The following ADGRL3 variants were observed in gnomAD, a reference collection of about 807,000 sequenced individuals.
ADGRL3 encodes calcium-independent alpha-latrotoxin receptor 3.
A neutral mutation model predicts 153.5 loss-of-function variants in ADGRL3; 62 were observed. The ratio of observed to expected loss-of-function variants is 0.40; its 90% CI spans 0.33 to 0.50. ADGRL3 has a LOEUF of 0.50. ADGRL3 is among the 20% of genes least tolerant of loss of function. The pLI is 0.47. For missense variants in ADGRL3, 1,641 were observed against 1,859.4 expected, an observed-to-expected ratio of 0.88 and a Z score of 2.16; for synonymous variants, 710 against 672.5, an observed-to-expected ratio of 1.06 and a Z score of -0.86.
At chr4:62,008,078 G>A (rs143960630) in intron 21 of ADGRL3, among the ~76,000 whole-genome samples, 3 of 152,258 alleles carry the variant, frequency 2.0e-5, no homozygotes, top group Admixed American at 1.3e-4. Flanking sequence ...GTTTGGCAGA[G>A]CCATTGATGA....
At chr4:61,301,829 T>C (rs1251081456) in intron 1 of ADGRL3, among the ~76,000 whole-genome samples, 1 of 152,124 alleles carries the variant, frequency 6.6e-6, no homozygotes, top group Non-Finnish European at 1.5e-5. Flanking sequence ...AAAATTGTAA[T>C]CAATGAATAG....
intron 8 of ADGRL3, among the ~76,000 whole-genome samples, chr4:61,807,682 T>C (rs2097567246): frequency 6.6e-6 from 1 of 152,166 alleles, no homozygotes; most frequent in South Asian, 2.1e-4. Context: ...ATTTTCAAAA[T>C]GTATTTTCTT....
At chr4:61,993,287 T>A (rs189448792) in intron 19 of ADGRL3, among the ~76,000 whole-genome samples, 3,043 of 139,122 alleles carry the variant, frequency 0.022, 40 homozygotes, top group Non-Finnish European at 0.035. Flanking sequence ...TTTTCTTTCT[T>A]TCCTTTTTTT....
chr4:61,401,370 C>T (rs948107202), intron 2 of ADGRL3, among the ~76,000 whole-genome samples: 3 of 151,700 alleles, frequency 2.0e-5, no homozygotes, highest in African/African-American at 7.3e-5. Flanking sequence ...ACATTTAGCC[C>T]AGAGATAATA....
chr4:61,557,415 C>T (rs909676381), intron 4 of ADGRL3, among the ~76,000 whole-genome samples: 2 of 152,056 alleles, frequency 1.3e-5, no homozygotes, highest in Non-Finnish European at 2.9e-5. Flanking sequence ...ATTCACAGAC[C>T]TCAGGCACCA....
At chr4:61,954,029 C>T (rs922360671) in intron 17 of ADGRL3, among the ~76,000 whole-genome samples, 4 of 152,124 alleles carry the variant, frequency 2.6e-5, no homozygotes, top group Non-Finnish European at 5.9e-5. Flanking sequence ...GTCATGCAGT[C>T]ATATGGATGT....
intron 25 of ADGRL3, among the ~76,000 whole-genome samples, chr4:62,062,712 G>T (rs901257143): frequency 6.6e-6 from 1 of 152,092 alleles, no homozygotes; most frequent in Non-Finnish European, 1.5e-5. Context: ...AAGGGTGAAA[G>T]AATTTAACAT....
intron 9 of ADGRL3, among the ~76,000 whole-genome samples, chr4:61,819,135 A>G (rs1412684105): frequency 6.6e-6 from 1 of 152,186 alleles, no homozygotes; most frequent in Non-Finnish European, 1.5e-5. Flanking sequence ...TTCAAATTAT[A>G]CATGCAAAAT....
chr4:61,637,031 T>C (rs1240682510), intron 5 of ADGRL3, among the ~76,000 whole-genome samples: 1 of 152,158 alleles, frequency 6.6e-6, no homozygotes, highest in African/African-American at 2.4e-5. Context: ...CTGTGATATA[T>C]ATTAAAGGTA....
At chr4:61,636,667 C>A (rs573325482) in intron 5 of ADGRL3, among the ~76,000 whole-genome samples, 111 of 151,830 alleles carry the variant, frequency 7.3e-4, no homozygotes, top group African/African-American at 2.6e-3. Context: ...AGTTGAAGAA[C>A]ATTTCAGAGA....
chr4:61,964,310 T>C (rs2098998478), intron 17 of ADGRL3, among the ~76,000 whole-genome samples: 1 of 152,200 alleles, frequency 6.6e-6, no homozygotes, highest in Non-Finnish European at 1.5e-5. Context: ...TCTGGAAATA[T>C]GACTTATTAA....
chr4:61,711,227 C>G (rs770557643), intron 6 of ADGRL3, among the ~76,000 whole-genome samples: 25 of 151,802 alleles, frequency 1.6e-4, no homozygotes, highest in Admixed American at 1.3e-4. Flanking sequence ...TATCAACATT[C>G]ACAGACAATG....
chr4:61,842,565 A>G (rs1282251387), intron 9 of ADGRL3, among the ~76,000 whole-genome samples: 1 of 152,114 alleles, frequency 6.6e-6, no homozygotes, highest in South Asian at 2.1e-4. Flanking sequence ...ACTGTGAATT[A>G]TCTTCCCCTG....
chr4:61,431,693 G>A (rs182192845), intron 2 of ADGRL3, among the ~76,000 whole-genome samples: 123 of 152,132 alleles, frequency 8.1e-4, no homozygotes, highest in African/African-American at 2.4e-3. Context: ...TTTAAGAGGC[G>A]GACTAGTATT....
chr4:61,294,330 A>G (rs2094331396), intron 1 of ADGRL3, among the ~76,000 whole-genome samples: 2 of 152,152 alleles, frequency 1.3e-5, no homozygotes, highest in African/African-American at 4.8e-5. Context: ...TGAGCATTTT[A>G]TTATAAAGTA....
chr4:61,726,782 T>A (rs1019792567), intron 6 of ADGRL3, among the ~76,000 whole-genome samples: 1 of 152,168 alleles, frequency 6.6e-6, no homozygotes, highest in African/African-American at 2.4e-5. Flanking sequence ...AATATTTTAT[T>A]ACCATGTTAT....
At chr4:61,795,984 A>G (rs1284854492) in intron 8 of ADGRL3, among the ~76,000 whole-genome samples, 1 of 152,142 alleles carries the variant, frequency 6.6e-6, no homozygotes, top group Non-Finnish European at 1.5e-5. Context: ...CTGGGATTAC[A>G]GACACCCAGC....
chr4:61,762,630 A>G (rs987222132), intron 8 of ADGRL3, among the ~76,000 whole-genome samples: 2 of 152,184 alleles, frequency 1.3e-5, no homozygotes, highest in African/African-American at 4.8e-5. Context: ...TGTGAAAAAA[A>G]TTTTAGCTCT....
intron 1 of ADGRL3, among the ~76,000 whole-genome samples, chr4:61,228,025 G>A (rs1748744832): frequency 6.6e-6 from 1 of 152,156 alleles, no homozygotes; most frequent in Non-Finnish European, 1.5e-5. Context: ...GTCCACTTAT[G>A]AAAATCTGAA....
Sources: gnomAD v4.1 joint callset for allele counts (sites outside exome capture counted in the v4.1 genomes callset) on GRCh38, gnomAD v4.1.1 for gene constraint, MANE v1.5 for transcripts, NCBI Gene and HGNC (gene_info 2026-07-23, HGNC 2026-07-21) for gene names.